The following ZFHX3 variants were observed in gnomAD, a reference collection of about 807,000 sequenced individuals.
ZFHX3 encodes the protein zinc finger homeobox protein 3.
Under a neutral mutation model 279.1 loss-of-function variants are expected in ZFHX3, and 42 were observed. That is an observed-to-expected ratio of 0.15 (90% confidence interval 0.12 to 0.19). The LOEUF is 0.19. ZFHX3 is among the 10% of genes least tolerant of loss of function. ZFHX3 has a pLI of 1.00. For missense variants in ZFHX3, 4,981 were observed against 4,754.0 expected, an observed-to-expected ratio of 1.05 and a Z score of -1.40; for synonymous variants, 2,293 against 1,957.8, an observed-to-expected ratio of 1.17 and a Z score of -4.52.
At chr16:73,647,013 CT>C (rs4003260) in intron 2 of ZFHX3, among the ~76,000 whole-genome samples, 13 of 146,166 alleles carry the variant, frequency 8.9e-5, no homozygotes, top group African/African-American at 1.5e-4. Context: ...TTGTGCCAAC[CT>C]TTTTTTTTTC....
chr16:73,837,997 T>C (rs1217630393), intron 1 of ZFHX3, among the ~76,000 whole-genome samples: 1 of 152,210 alleles, frequency 6.6e-6, no homozygotes, highest in African/African-American at 2.4e-5. Flanking sequence ...TAGAAGATTG[T>C]CCATAAAGCC....
Position 73,573,154 on chromosome 16 carries a change from T to C in ZFHX3, c.-1547+107026A>G, listed in dbSNP as rs141959405. Among the ~76,000 whole-genome samples the C allele has an allele frequency of 1.0e-3, 158 of 152,334 alleles. 1 individual carries two copies. The highest frequency in any genetic ancestry group is 3.6e-3 in the African/African-American group (149 of 41,588). ...ACAGGGTGCGTTTTATTGCATTTTATGCACTGCTATTCTGCAATGATATTT... is the reference window on the plus strand; with the variant it reads ...ACAGGGTGCGTTTTATTGCATTTTACGCACTGCTATTCTGCAATGATATTT... On this transcript the variant is annotated intron_variant, in intron 2 of 17. Coordinates refer to the ZFHX3 transcript ENST00000641206.
At chr16:73,878,613 A>G (rs2030031673) in intron 1 of ZFHX3, among the ~76,000 whole-genome samples, 1 of 152,090 alleles carries the variant, frequency 6.6e-6, no homozygotes, top group African/African-American at 2.4e-5. Flanking sequence ...ATATTAAATT[A>G]TCTACTGTTT....
intron 1 of ZFHX3, among the ~76,000 whole-genome samples, chr16:73,055,598 C>T (rs770399709): frequency 1.2e-4 from 18 of 151,990 alleles, no homozygotes; most frequent in Non-Finnish European, 1.8e-4. Context: ...AAAAGCTGCT[C>T]CATATTTAAT....
At chr16:73,656,595 T>A (rs1266636461) in intron 2 of ZFHX3, among the ~76,000 whole-genome samples, 1 of 152,188 alleles carries the variant, frequency 6.6e-6, no homozygotes, top group Non-Finnish European at 1.5e-5. Context: ...ATAACCTTAG[T>A]GTGTGGGGGT....
At chr16:73,172,262 C>A (rs574338079) in intron 5 of ZFHX3, among the ~76,000 whole-genome samples, 3 of 152,346 alleles carry the variant, frequency 2.0e-5, no homozygotes, top group East Asian at 3.9e-4. Context: ...TTGTCTCTGC[C>A]ATCCACGTGT....
At chr16:72,870,566 G>A (rs575333722) in intron 4 of ZFHX3, among the ~76,000 whole-genome samples, 20 of 151,632 alleles carry the variant, frequency 1.3e-4, no homozygotes, top group South Asian at 8.3e-4. Flanking sequence ...AAAATTAGCC[G>A]GGAGTGGTGG....
intron 3 of ZFHX3, chr16:73,386,751 C>CAAA (rs10639035): frequency 0.12 from 17,609 of 147,752 alleles, 1,093 homozygotes; most frequent in Middle Eastern, 0.15. Flanking sequence ...TATGTGGAAG[C>CAAA]AAAAAAAAAA....
At chr16:73,702,580 A>G (rs1347552709) in intron 1 of ZFHX3, among the ~76,000 whole-genome samples, 1 of 152,196 alleles carries the variant, frequency 6.6e-6, no homozygotes, top group Non-Finnish European at 1.5e-5. Flanking sequence ...CTGTGCAGTT[A>G]TCGGCCCCTC....
chr16:73,319,439 C>T (rs1305404115), intron 3 of ZFHX3, among the ~76,000 whole-genome samples: 3 of 152,094 alleles, frequency 2.0e-5, no homozygotes, highest in African/African-American at 7.2e-5. Flanking sequence ...TAATTCGGGT[C>T]CCACAGAGCT....
At chr16:73,182,774 A>AT (rs1967825587) in intron 5 of ZFHX3, among the ~76,000 whole-genome samples, 1 of 152,158 alleles carries the variant, frequency 6.6e-6, no homozygotes, top group African/African-American at 2.4e-5. Flanking sequence ...CCTAACTGAA[A>AT]TAGCTGAAAA....
At chr16:73,589,178 T>C (rs2067439709) in intron 2 of ZFHX3, among the ~76,000 whole-genome samples, 1 of 142,938 alleles carries the variant, frequency 7.0e-6, no homozygotes, top group Admixed American at 7.4e-5. Flanking sequence ...GAGAATCGCT[T>C]GACCCTCGGA....
chr16:73,692,986 AAAAT>A, intron 1 of ZFHX3, among the ~76,000 whole-genome samples: 1 of 152,376 alleles, frequency 6.6e-6, no homozygotes, highest in Admixed American at 6.5e-5. Flanking sequence ...TTGAAGAAAC[AAAAT>A]AGGATCGCAG....
At chr16:72,933,813 CTTTTTTT>C (rs71391468) in intron 3 of ZFHX3, among the ~76,000 whole-genome samples, 19 of 112,476 alleles carry the variant, frequency 1.7e-4, no homozygotes, top group African/African-American at 3.0e-4. Context: ...TCACAACTTT[CTTTTTTT>C]TTTTTTTTTT....
intron 4 of ZFHX3, among the ~76,000 whole-genome samples, chr16:73,278,257 G>T (rs956108903): frequency 6.6e-6 from 1 of 152,166 alleles, no homozygotes; most frequent in Admixed American, 6.5e-5. Context: ...TACTGTTGTT[G>T]TAGCAAATCT....
At chr16:73,724,467 C>G (rs1423920074) in intron 1 of ZFHX3, among the ~76,000 whole-genome samples, 1 of 152,178 alleles carries the variant, frequency 6.6e-6, no homozygotes, top group Non-Finnish European at 1.5e-5. Flanking sequence ...TTGAGAACCC[C>G]ACTGTTCCTT....
intron 1 of ZFHX3, among the ~76,000 whole-genome samples, chr16:73,028,467 C>T (rs555672140): frequency 2.2e-4 from 33 of 152,250 alleles, no homozygotes; most frequent in East Asian, 1.9e-3. Flanking sequence ...GCTGGGGCTG[C>T]CACACACCGG....
intron 5 of ZFHX3, among the ~76,000 whole-genome samples, chr16:73,211,401 T>C (rs1303075846): frequency 1.3e-5 from 2 of 152,160 alleles, no homozygotes; most frequent in African/African-American, 4.8e-5. Context: ...TCACTCAAAT[T>C]TTATCACTTA....
chr16:73,120,649 C>CT (rs140219846), intron 7 of ZFHX3, among the ~76,000 whole-genome samples: 2,089 of 106,022 alleles, frequency 0.02, 100 homozygotes, highest in African/African-American at 0.029. Context: ...ATCCTCTCTA[C>CT]CTTTTTTTTT....
Sources: allele counts gnomAD v4.1 joint callset (sites outside exome capture counted in the v4.1 genomes callset), GRCh38; gene constraint gnomAD v4.1.1; transcripts MANE v1.5; gene names NCBI Gene and HGNC (gene_info 2026-07-23, HGNC 2026-07-21).